Variants in MPHOSPH6 observed in about 807,000 individuals in gnomAD.
MPHOSPH6 encodes the protein M-phase phosphoprotein 6.
In MPHOSPH6, 25 loss-of-function variants were observed where a neutral mutation model predicts 21.8. The observed-to-expected ratio is 1.15, with a 90% confidence interval of 0.83 to 1.60. The LOEUF (loss-of-function observed/expected upper bound fraction) is 1.60, where lower values mean the gene tolerates loss of function less well. MPHOSPH6 is among the 40% of genes most tolerant of loss of function. The probability of loss-of-function intolerance (pLI) is 0.00; values close to 1 mark genes in which losing one functional copy is unlikely to be tolerated. For missense variants in MPHOSPH6, 269 were observed against 181.8 expected (o/e 1.48, Z -2.76); for synonymous variants, 84 against 56.5 (o/e 1.49, Z -2.18).
chr16:82,153,264 GC>G (rs1415614516), intron 2 of MPHOSPH6, among the ~76,000 whole-genome samples: 1 of 152,182 alleles, frequency 6.6e-6, no homozygotes, highest in African/African-American at 2.4e-5. Context: ...TCCATCCCTA[GC>G]TGTAGGGGAG....
chr16:82,170,188 C>A lies in MPHOSPH6; in HGVS notation c.-13G>T. 1 of 1,577,270 alleles carries A rather than the reference C, an allele frequency of 6.3e-7. No homozygotes were observed. Among genetic ancestry groups the A allele is most frequent in the Non-Finnish European group, 8.6e-7 (1 of 1,163,610 alleles). ...GCTCGGCCGCCATGGTAGCTTCCGCCCAGCGCCGCACTCCGGCCGCGAGCC... is the reference window on the plus strand; with the variant it reads ...GCTCGGCCGCCATGGTAGCTTCCGCACAGCGCCGCACTCCGGCCGCGAGCC... On this transcript the variant is annotated 5_prime_UTR_variant, in exon 1 of 5. Coordinates refer to ENST00000258169, the MANE Select transcript of MPHOSPH6 (RefSeq NM_005792.2).
chr16:82,152,853 T>A (rs929224714), intron 2 of MPHOSPH6, among the ~76,000 whole-genome samples: 1 of 152,176 alleles, frequency 6.6e-6, no homozygotes, highest in African/African-American at 2.4e-5. Context: ...AACATGTGGC[T>A]TTTAAGGCTT....
chr16:82,153,063 G>A (rs1906317895), intron 2 of MPHOSPH6, among the ~76,000 whole-genome samples: 1 of 152,046 alleles, frequency 6.6e-6, no homozygotes, highest in Non-Finnish European at 1.5e-5. Context: ...AGAAGTGGAA[G>A]TTGCAATGAG....
In MPHOSPH6 at chr16:82,148,180, T is replaced by C. The variant is rs1187080919; in HGVS notation, c.*551A>G. 2 of 152,234 alleles carry C rather than the reference T, an allele frequency of 1.3e-5. No individual in the cohort carries two copies. Among genetic ancestry groups the C allele is most frequent in the Non-Finnish European group, 2.9e-5 (2 of 68,044 alleles). 9.4% of individuals were successfully genotyped at this position (152,234 alleles called of 1,614,324 possible). ...TAAAAAGTATGTGAAAGTAGATTTT[T>C]ATTACAGAGCAAATTTTTCTATCAA... On this transcript the variant is annotated 3_prime_UTR_variant, in exon 5 of 5. Coordinates refer to ENST00000258169, the MANE Select transcript of MPHOSPH6 (RefSeq NM_005792.2).
At chr16:82,164,761 C>T (rs578112581) in intron 1 of MPHOSPH6, 3 of 152,318 alleles carry the variant, frequency 2.0e-5, no homozygotes, top group Admixed American at 6.5e-5. Flanking sequence ...AGTAAGAGCC[C>T]GATAAATGTA....
chr16:82,168,083 T>C (rs1906844255), intron 1 of MPHOSPH6, among the ~76,000 whole-genome samples: 1 of 152,150 alleles, frequency 6.6e-6, no homozygotes, highest in Non-Finnish European at 1.5e-5. Flanking sequence ...CCTTCTCCTT[T>C]GCTTCCAACG....
chr16:82,150,655 C>G (rs1255433961), intron 3 of MPHOSPH6, among the ~76,000 whole-genome samples: 2 of 152,130 alleles, frequency 1.3e-5, no homozygotes, highest in Non-Finnish European at 2.9e-5. Context: ...TGTGTGTGTG[C>G]TACTGATATT....
intron 2 of MPHOSPH6, chr16:82,162,066 A>C (rs1567614909): frequency 6.6e-6 from 1 of 152,258 alleles, no homozygotes; most frequent in Non-Finnish European, 1.5e-5. Context: ...GGAAATACAC[A>C]CAATGGTGAC....
chr16:82,154,475 TAGAA>T (rs920943655), intron 2 of MPHOSPH6, among the ~76,000 whole-genome samples: 1 of 151,864 alleles, frequency 6.6e-6, no homozygotes, highest in African/African-American at 2.4e-5. Context: ...AATCCCCTCA[TAGAA>T]AGAAAGAAAA....
intron 2 of MPHOSPH6, among the ~76,000 whole-genome samples, chr16:82,156,288 G>A (rs74249007): frequency 1.3e-5 from 2 of 152,050 alleles, no homozygotes; most frequent in Admixed American, 6.5e-5. Context: ...GAAACACTGA[G>A]CTTGAGTTAA....
At chr16:82,158,651 T>A (rs2142411582) in intron 2 of MPHOSPH6, among the ~76,000 whole-genome samples, 1 of 152,266 alleles carries the variant, frequency 6.6e-6, no homozygotes, top group East Asian at 1.9e-4. Flanking sequence ...GGCAGACATT[T>A]TCTTGAAAAT....
chr16:82,161,052 G>A (rs1906591929), intron 2 of MPHOSPH6, among the ~76,000 whole-genome samples: 1 of 152,094 alleles, frequency 6.6e-6, no homozygotes, highest in Non-Finnish European at 1.5e-5. Context: ...CATACCCCTT[G>A]CTCCCATCAT....
chr16:82,164,263 T>C, intron 1 of MPHOSPH6, 69 bp from the exon 2 acceptor site: 2 of 1,007,588 alleles, frequency 2.0e-6, no homozygotes, highest in Non-Finnish European at 3.0e-6. Flanking sequence ...CCCAAATAAT[T>C]TTCTTCTTCT....
In MPHOSPH6 at chr16:82,157,081, T is replaced by C. The variant is rs894518011; in HGVS notation, c.165-5567A>G. On this transcript the variant is annotated intron_variant, in intron 2 of 4. Transcript: ENST00000258169. The stretch of plus-strand genomic sequence containing the variant: ...AAATAAATAAATAAAAATAAAAAAA[T>C]AAAAAACTGGAAACAACCCAATCAT... Among the ~76,000 whole-genome samples, 3 of 151,718 alleles carry C rather than the reference T, an allele frequency of 2.0e-5. No individual in the cohort carries two copies. The South Asian group carries it at 6.2e-4, about 32-fold the overall frequency.
At chr16:82,160,717 G>A (rs1228093884) in intron 2 of MPHOSPH6, among the ~76,000 whole-genome samples, 2 of 152,142 alleles carry the variant, frequency 1.3e-5, no homozygotes, top group East Asian at 1.9e-4. Context: ...CATAGGAGTT[G>A]GGGACAAAAG....
At chr16:82,157,842 T>A (rs73591443) in intron 2 of MPHOSPH6, among the ~76,000 whole-genome samples, 1 of 152,094 alleles carries the variant, frequency 6.6e-6, no homozygotes, top group Admixed American at 6.5e-5. Flanking sequence ...GAATCTAACC[T>A]GCCTGAGAAA....
At chr16:82,158,456 G>A (rs935003218) in intron 2 of MPHOSPH6, among the ~76,000 whole-genome samples, 2 of 131,210 alleles carry the variant, frequency 1.5e-5, no homozygotes, top group South Asian at 2.4e-4. Context: ...CGGAGATCTC[G>A]CCACTGCACT....
At chr16:82,165,154 GT>G (rs1172452914) in intron 1 of MPHOSPH6, among the ~76,000 whole-genome samples, 1 of 100,128 alleles carries the variant, frequency 1.0e-5, no homozygotes, top group African/African-American at 3.9e-5. Flanking sequence ...TTGAGACAGA[GT>G]CTCACTCTGT....
chr16:82,162,544 C>G (rs1043158697), intron 2 of MPHOSPH6, among the ~76,000 whole-genome samples: 4 of 152,208 alleles, frequency 2.6e-5, no homozygotes, highest in African/African-American at 9.7e-5. Flanking sequence ...CTGTAAGGTG[C>G]TCTCTCTACA....
Sources: gnomAD v4.1 joint callset for allele counts (sites outside exome capture counted in the v4.1 genomes callset) on GRCh38, gnomAD v4.1.1 for gene constraint, MANE v1.5 for transcripts, NCBI Gene and HGNC (gene_info 2026-07-23, HGNC 2026-07-21) for gene names.